The following SHOX2 variants were observed in gnomAD, a reference collection of about 807,000 sequenced individuals.
SHOX2 encodes short stature homeobox protein 2.
Under a neutral mutation model 31.3 loss-of-function variants are expected in SHOX2, and 13 were observed. The observed-to-expected ratio is 0.42, with a 90% CI of 0.27 to 0.66. The LOEUF is 0.66. Among genes scored for constraint, SHOX2 ranks in the 30% least tolerant of loss-of-function variants. The pLI, the probability that SHOX2 is intolerant of heterozygous loss-of-function variation, is 0.27. For synonymous variants in SHOX2, 244 were observed against 196.2 expected (o/e 1.24, Z -2.04); for missense variants, 473 against 443.0 (o/e 1.07, Z -0.61).
chr3:158,103,622 A>G (rs949739572), intron 1 of SHOX2: 1 of 152,322 alleles, frequency 6.6e-6, no homozygotes, highest in Non-Finnish European at 1.5e-5. Flanking sequence ...CGCCCACGCC[A>G]TGTTGGCTGC....
At position 158,105,830 on chromosome 3, in the gene SHOX2, T is replaced by TCCGCCG. The variant is rs1293224993; in HGVS notation, c.189_194dup (p.Gly76_Gly77dup). Reference sequence around the variant, plus strand: ...CTCCTCCGCCGCCGCCTCCGCCTCCTCCGCCGCCGCCTCCGCCGGCCGCCC... The same window carrying TCCGCCG: ...CTCCTCCGCCGCCGCCTCCGCCTCCTCCGCCGCCGCCGCCGCCTCCGCCGGCCGCCC... On this transcript the variant is annotated inframe_insertion, in exon 1 of 5. Coordinates refer to ENST00000483851, the MANE Select transcript of SHOX2 (RefSeq NM_001163678.2). The TCCGCCG allele has an allele frequency of 2.8e-6, 4 of 1,453,472 alleles. No individual in the cohort carries two copies. Among genetic ancestry groups the TCCGCCG allele is most frequent in the Admixed American group, 3.1e-5 (1 of 32,426 alleles). 90.0% of individuals were successfully genotyped at this position (1,453,472 alleles called of 1,614,324 possible). A position where few individuals can be genotyped will look rare whatever the true frequency, so the allele number is the denominator to read the frequency against.
chr3:158,101,964 T>C (rs1338876127), intron 2 of SHOX2, among the ~76,000 whole-genome samples: 4 of 152,070 alleles, frequency 2.6e-5, no homozygotes, highest in Non-Finnish European at 5.9e-5. Flanking sequence ...CCTAACTTCA[T>C]TGGGTATGGC....
Position 158,096,932 on chromosome 3 carries a change from GGCAAATATATGATATATATATA to G in SHOX2, c.*1073_*1094del, listed in dbSNP as rs1559893685. The G allele has an allele frequency of 2.3e-3, 93 of 40,646 alleles. 7 individuals are homozygous for G. Among genetic ancestry groups the G allele is most frequent in the South Asian group, 3.8e-3 (4 of 1,060 alleles). The allele number at this position is 40,646 out of a possible 1,614,324, so 2.5% of individuals were successfully genotyped here. A position where few individuals can be genotyped will look rare whatever the true frequency, so the allele number is the denominator to read the frequency against. On this transcript the variant is annotated 3_prime_UTR_variant, in exon 5 of 5. Transcript: ENST00000483851. The stretch of plus-strand genomic sequence containing the variant: ...TATATATATATATATATATATATAT[GGCAAATATATGATATATATATA>G]TGGATATATATATATCAATTTCCAG...
At chr3:158,099,825 T>A in intron 4 of SHOX2, 35 bp downstream of exon 4, 1 of 1,489,806 alleles carries the variant, frequency 6.7e-7, no homozygotes, top group Non-Finnish European at 9.4e-7. Flanking sequence ...GGTATTTTCA[T>A]ATTTAAAAAC....
Position 158,098,123 on chromosome 3 carries a change from C to T in SHOX2, c.864G>A (p.Val288=). The T allele has an allele frequency of 6.2e-7, 1 of 1,613,210 alleles. No homozygotes were observed. The highest frequency in any genetic ancestry group is 8.5e-7 in the Non-Finnish European group (1 of 1,179,558). The change falls in exon 5 of 5, where the codon GTG becomes GTA. Residue 288 remains valine (V), a synonymous_variant. Transcript: ENST00000483851. ...AADSASAASV[V]AAAAAAKTTS... is the part of the protein sequence containing the mutation. ...TGGTCTTGGCGGCTGCTGCGGCCGC[C>T]ACTACCGAGGCGGCGGAAGCCGAAT...
intron 2 of SHOX2, among the ~76,000 whole-genome samples, chr3:158,101,968 G>T (rs1242751108): frequency 1.3e-5 from 2 of 152,114 alleles, no homozygotes; most frequent in Non-Finnish European, 2.9e-5. Context: ...ACTTCATTGG[G>T]TATGGCACGT....
In SHOX2 at chr3:158,105,927, G is replaced by T. The variant is rs768138092; in HGVS notation, c.98C>A (p.Pro33Gln). The T allele has an allele frequency of 2.5e-6, 4 of 1,606,720 alleles. No homozygotes were observed. The highest frequency in any genetic ancestry group is 3.4e-6 in the Non-Finnish European group (4 of 1,176,960). ...ITYREVLESG[P>Q]LRGAKEPTGC... is the part of the protein sequence containing the mutation. ...GGTCGGCTCCTTGGCCCCGCGCAGCGGCCCGCTCTCCAGCACCTCCCGGTA... is the reference window on the plus strand; with the variant it reads ...GGTCGGCTCCTTGGCCCCGCGCAGCTGCCCGCTCTCCAGCACCTCCCGGTA... The change falls in exon 1 of 5, where the codon CCG becomes CAG. Residue 33 changes from proline to glutamine, a missense_variant. Physicochemically the swap from Pro to Gln is moderately conservative, Grantham distance 76. Transcript: ENST00000483851.
At chr3:158,103,327 C>G in intron 1 of SHOX2, 1 of 235,054 alleles carries the variant, frequency 4.3e-6, no homozygotes, top group East Asian at 1.1e-4. Context: ...CAAGGCCACC[C>G]ACTGGCCTCT....
Position 158,105,679 on chromosome 3 carries a change from C to A in SHOX2, c.346G>T (p.Val116Leu). The change falls in exon 1 of 5, where the codon GTG (valine) becomes TTG (leucine). Residue 116 changes from valine to leucine, a missense_variant and splice_region_variant. Val to Leu is a conservative substitution (Grantham distance 32). This residue lies in a region of SHOX2 where 276 missense variants were observed against 230.0 expected (regional missense o/e 1.20). Transcript: ENST00000483851. ...REPGSPRLTE[V>L]SPELKDRKED... is the part of the protein sequence containing the mutation. ...TGCCGGGGGTCAGTCAGGTCGTTAC[C>A]CTCCGTCAGTCGCGGGCTGCCCGGC... The A allele has an allele frequency of 6.6e-7, 1 of 1,523,906 alleles. No homozygotes were observed. Among genetic ancestry groups the A allele is most frequent in the Non-Finnish European group, 8.8e-7 (1 of 1,137,682 alleles). The allele number at this position is 1,523,906 out of a possible 1,614,324, so 94.4% of individuals were successfully genotyped here.
At chr3:158,099,995 C>G in intron 3 of SHOX2, 47 bp from the exon 4 acceptor site, 1 of 1,526,646 alleles carries the variant, frequency 6.6e-7, no homozygotes, top group Non-Finnish European at 9.1e-7. Flanking sequence ...ACGTTTGTAG[C>G]ATTTTTCAGG....
Position 158,106,108 on chromosome 3 carries a change from C to A in SHOX2, c.-84G>T. 1 of 1,578,704 alleles carries A rather than the reference C, an allele frequency of 6.3e-7. No homozygotes were observed. The highest frequency in any genetic ancestry group is 8.6e-7 in the Non-Finnish European group (1 of 1,162,656). On this transcript the variant is annotated 5_prime_UTR_variant, in exon 1 of 5. Transcript: ENST00000483851. ...CCTTCTTCTTTTTTTACTGCTCCAG[C>A]CCCCCCAATAATAACACATCAATGG...
chr3:158,100,430 A>G (rs980971085), intron 2 of SHOX2, 119 bp from the exon 3 acceptor site: 35 of 637,310 alleles, frequency 5.5e-5, no homozygotes, highest in Non-Finnish European at 7.3e-5. Flanking sequence ...GAGATACAGC[A>G]AGCAATCTTT....
At chr3:158,101,576 A>G (rs952207828) in intron 2 of SHOX2, among the ~76,000 whole-genome samples, 3 of 117,392 alleles carry the variant, frequency 2.6e-5, no homozygotes, top group Non-Finnish European at 5.2e-5. Flanking sequence ...TTCCTCTTCA[A>G]CGTGACTGCT....
chr3:158,102,744 G>A lies in SHOX2; in HGVS notation c.489C>T (p.His163=). ...CCTCTCGCATGAAGGCGTCGGGATAGTGGGTCTCGTCAAAAAGCCTCTCCA... is the reference window on the plus strand; with the variant it reads ...CCTCTCGCATGAAGGCGTCGGGATAATGGGTCTCGTCAAAAAGCCTCTCCA... The part of the protein sequence containing the change: ...NELERLFDET[H]YPDAFMREEL... The change falls in exon 2 of 5, where the codon CAC becomes CAT. Residue 163 remains histidine, a synonymous_variant. Coordinates refer to ENST00000483851, the MANE Select transcript of SHOX2 (RefSeq NM_001163678.2). 1 of 1,614,104 alleles carries A rather than the reference G, an allele frequency of 6.2e-7. No individual in the cohort carries two copies. Among genetic ancestry groups the A allele is most frequent in the Non-Finnish European group, 8.5e-7 (1 of 1,180,038 alleles).
chr3:158,099,384 T>A (rs149663088), intron 4 of SHOX2, among the ~76,000 whole-genome samples: 1,557 of 152,352 alleles, frequency 0.01, 31 homozygotes, highest in African/African-American at 0.036. Context: ...CAGAAACAGA[T>A]TTAAAAACAA....
chr3:158,096,943 G>GAT lies in SHOX2; in HGVS notation c.*1082_*1083dup, dbSNP rs1286097847. ...ATATATATATATATGGCAAATATAT[G>GAT]ATATATATATATGGATATATATATA... On this transcript the variant is annotated 3_prime_UTR_variant, in exon 5 of 5. Coordinates refer to ENST00000483851, the MANE Select transcript of SHOX2 (RefSeq NM_001163678.2). 4 of 61,158 alleles carry GAT rather than the reference G, an allele frequency of 6.5e-5. No homozygotes were observed. Among genetic ancestry groups the GAT allele is most frequent in the Non-Finnish European group, 1.0e-4 (3 of 29,878 alleles). 3.8% of individuals were successfully genotyped at this position (61,158 alleles called of 1,614,324 possible). A position where few individuals can be genotyped will look rare whatever the true frequency, so the allele number is the denominator to read the frequency against.
chr3:158,105,239 C>T, intron 1 of SHOX2: 1 of 704,690 alleles, frequency 1.4e-6, no homozygotes, highest in Non-Finnish European at 2.6e-6. Context: ...GAGGGTTAAG[C>T]TTTCCACCTC....
chr3:158,100,951 A>C (rs1713452412), intron 2 of SHOX2, among the ~76,000 whole-genome samples: 1 of 152,232 alleles, frequency 6.6e-6, no homozygotes, highest in Non-Finnish European at 1.5e-5. Context: ...AAATAACTAA[A>C]ATGTAAATAA....
chr3:158,104,802 T>C (rs1242432724), intron 1 of SHOX2, among the ~76,000 whole-genome samples: 1 of 152,252 alleles, frequency 6.6e-6, no homozygotes, highest in Non-Finnish European at 1.5e-5. Flanking sequence ...TGCCACATAT[T>C]TTCTTAATTG....
Sources: allele counts gnomAD v4.1 joint callset (sites outside exome capture counted in the v4.1 genomes callset), GRCh38; gene constraint gnomAD v4.1.1; regional missense constraint gnomAD v4.1.1; transcripts MANE v1.5; gene names NCBI Gene and HGNC (gene_info 2026-07-23, HGNC 2026-07-21).